BRD4: variants seen among roughly 807,000 people sequenced by gnomAD.
BRD4 encodes bromodomain containing 4, also known as bromodomain-containing protein 4.
In BRD4, 16 loss-of-function variants were observed where a neutral mutation model predicts 142.1. The ratio of observed to expected loss-of-function variants is 0.11; its 90% confidence interval spans 0.08 to 0.17. BRD4 has a LOEUF of 0.17. Ranked by LOEUF, BRD4 falls within the 10% of genes least tolerant of loss-of-function variation. The pLI, the probability that BRD4 is intolerant of heterozygous loss-of-function variation, is 1.00. For synonymous variants in BRD4, 833 were observed against 707.5 expected, an observed-to-expected ratio of 1.18 and a Z score of -2.82; for missense variants, 1,424 against 1,810.9, an observed-to-expected ratio of 0.79 and a Z score of 3.88.
chr19:15,252,791 C>G (rs902340045), intron 11 of BRD4, among the ~76,000 whole-genome samples: 1 of 152,178 alleles, frequency 6.6e-6, no homozygotes, highest in Admixed American at 6.5e-5. Flanking sequence ...CTTCAGCCCA[C>G]TTCAAGGCAA....
chr19:15,280,690 C>T (rs1213290256), intron 1 of BRD4, among the ~76,000 whole-genome samples: 1 of 152,144 alleles, frequency 6.6e-6, no homozygotes, highest in Admixed American at 6.5e-5. Flanking sequence ...CCAGCCAATG[C>T]CAACTGACTA....
chr19:15,264,614 G>T lies in BRD4; in HGVS notation c.1002C>A (p.Asp334Glu), dbSNP rs201586480. Residue 334 changes from aspartate (D) to glutamate (E), a missense_variant, in exon 6 of 20, where the codon GAC becomes GAA. By Grantham distance (45) the Asp-to-Glu change is conservative. Transcript: ENST00000679869. ...SSRPVKPPKK[D>E]VPDSQQHPAP... ...CTGGGTGCTGCTGAGAGTCGGGCACGTCCTTCTTTGGAGGTTTCACAGGCC... is the reference window on the plus strand; with the variant it reads ...CTGGGTGCTGCTGAGAGTCGGGCACTTCCTTCTTTGGAGGTTTCACAGGCC... 1 of 1,614,066 alleles carries T rather than the reference G, an allele frequency of 6.2e-7. No individual in the cohort carries two copies. The highest frequency in any genetic ancestry group is 1.7e-5 in the Admixed American group (1 of 60,020).
intron 1 of BRD4, among the ~76,000 whole-genome samples, chr19:15,328,145 C>T (rs893177993): frequency 1.3e-5 from 2 of 152,004 alleles, no homozygotes; most frequent in Non-Finnish European, 2.9e-5. Flanking sequence ...ATAAAGACTA[C>T]GCATATTAAA....
chr19:15,263,275 G>T (rs1205924332), intron 7 of BRD4, 145 bp downstream of exon 7: 2 of 1,058,292 alleles, frequency 1.9e-6, no homozygotes, highest in Non-Finnish European at 2.7e-6. Flanking sequence ...GCACTAGGCT[G>T]ACTTTAGGCA....
At chr19:15,332,217 T>A (rs1039704367) in intron 1 of BRD4, 73 bp downstream of exon 1, 1 of 144,978 alleles carries the variant, frequency 6.9e-6, no homozygotes, top group Non-Finnish European at 1.5e-5. Flanking sequence ...CAATGCAGGT[T>A]ACGCGGACCG....
At position 15,257,116 on chromosome 19, in the gene BRD4, C is replaced by A. The variant is rs760391060; in HGVS notation, c.1399G>T (p.Ala467Ser). 1.2e-6 allele frequency: 2 copies of A among 1,609,214 alleles called. No individual in the cohort carries two copies. The highest frequency in any genetic ancestry group is 1.7e-6 in the Non-Finnish European group (2 of 1,179,602). ...MPDEPEEPVV[A>S]VSSPAVPPPT... ...GGGGGCACTGCCGGGGAGGACACGG[C>A]CACCACTGGCTCCTCAGGCTCGTCC... Residue 467 changes from alanine to serine, a missense_variant, in exon 8 of 20, where the codon GCC becomes TCC. Ala to Ser is a moderately conservative substitution (Grantham distance 99). This residue lies in a region of BRD4 where 90 missense variants were observed against 93.2 expected (regional missense o/e 0.97). Transcript: ENST00000679869.
intron 1 of BRD4, among the ~76,000 whole-genome samples, chr19:15,330,924 C>T (rs2048151135): frequency 6.6e-6 from 1 of 152,100 alleles, no homozygotes; most frequent in African/African-American, 2.4e-5. Context: ...AAAAAACTCC[C>T]GACCATTGTT....
rs1234523257 is a variant in BRD4 at position 15,332,503 on chromosome 19, C to CCGA, written c.-249_-248insTCG. On this transcript the variant is annotated 5_prime_UTR_variant, in exon 1 of 20. Coordinates refer to ENST00000679869, the MANE Select transcript of BRD4 (RefSeq NM_001379291.1). Reference sequence around the variant, plus strand: ...CGGGAGACCAGAACAAACAGCCCAGCCGCCGCCGCCGCCGCCGCCGCCGCC... The same window carrying CCGA: ...CGGGAGACCAGAACAAACAGCCCAGCCGACGCCGCCGCCGCCGCCGCCGCCGCC... 6.7e-6 allele frequency: 1 copy of CCGA among 149,268 alleles called. No homozygotes were observed. Among genetic ancestry groups the CCGA allele is most frequent in the Non-Finnish European group, 1.3e-5 (1 of 74,560 alleles). The allele number at this position is 149,268 out of a possible 1,614,324, so 9.2% of individuals were successfully genotyped here. A position where few individuals can be genotyped will look rare whatever the true frequency, so the allele number is the denominator to read the frequency against.
chr19:15,253,655 G>C (rs1463664081), intron 11 of BRD4: 1 of 1,597,876 alleles, frequency 6.3e-7, no homozygotes, highest in South Asian at 1.1e-5. Flanking sequence ...TGGCGATGCG[G>C]CTGGCCAGCT....
At chr19:15,244,654 G>A in intron 12 of BRD4, 54 bp from the exon 13 acceptor site, 1 of 1,614,042 alleles carries the variant, frequency 6.2e-7, no homozygotes. Flanking sequence ...AGGCAGAACT[G>A]GCCCGGGCCA....
At chr19:15,327,044 CA>C (rs2048114162) in intron 1 of BRD4, among the ~76,000 whole-genome samples, 1 of 152,176 alleles carries the variant, frequency 6.6e-6, no homozygotes, top group Admixed American at 6.5e-5. Flanking sequence ...TACAACATGT[CA>C]ACATGCTGAT....
At chr19:15,287,433 T>G (rs11667345) in intron 1 of BRD4, among the ~76,000 whole-genome samples, 23,894 of 152,150 alleles carry the variant, frequency 0.16, 1,986 homozygotes, top group Middle Eastern at 0.2. Context: ...TCTTTAAAGA[T>G]GGGGTCTTGC....
intron 1 of BRD4, among the ~76,000 whole-genome samples, chr19:15,275,077 T>A (rs1380808868): frequency 6.6e-6 from 1 of 152,128 alleles, no homozygotes; most frequent in Non-Finnish European, 1.5e-5. Context: ...CAGGCTGGTC[T>A]CAAACTCCTG....
intron 1 of BRD4, among the ~76,000 whole-genome samples, chr19:15,296,111 G>T (rs1293559477): frequency 6.6e-6 from 1 of 151,750 alleles, no homozygotes; most frequent in African/African-American, 2.4e-5. Flanking sequence ...AAAATTAGCT[G>T]GGGGTGGTGG....
chr19:15,242,796 A>G (rs2047248669), intron 14 of BRD4, 104 bp downstream of exon 14: 3 of 1,511,744 alleles, frequency 2.0e-6, no homozygotes, highest in Non-Finnish European at 2.7e-6. Context: ...TCAGCTCTGA[A>G]CCCACTGCAG....
At chr19:15,295,644 G>C (rs2047816796) in intron 1 of BRD4, among the ~76,000 whole-genome samples, 1 of 151,904 alleles carries the variant, frequency 6.6e-6, no homozygotes, top group Non-Finnish European at 1.5e-5. Context: ...AAGGAAATGA[G>C]AGAGGCACAG....
At chr19:15,247,951 C>T (rs959915002) in intron 11 of BRD4, 1 of 223,790 alleles carries the variant, frequency 4.5e-6, no homozygotes, top group African/African-American at 2.2e-5. Flanking sequence ...CTGCTCAAGC[C>T]CAAGGAGCTG....
chr19:15,252,449 G>A (rs1429339097), intron 11 of BRD4, among the ~76,000 whole-genome samples: 3 of 152,246 alleles, frequency 2.0e-5, no homozygotes, highest in African/African-American at 7.2e-5. Flanking sequence ...CCCAGAGGAA[G>A]GCAAGCTGGA....
chr19:15,260,654 T>C (rs536703079), intron 7 of BRD4, among the ~76,000 whole-genome samples: 117 of 152,230 alleles, frequency 7.7e-4, no homozygotes, highest in Admixed American at 3.5e-3. Flanking sequence ...GATTGAGGCC[T>C]GTGTCCACTC....
Sources: gnomAD v4.1 joint callset for allele counts (sites outside exome capture counted in the v4.1 genomes callset) on GRCh38, gnomAD v4.1.1 for gene constraint, gnomAD v4.1.1 regional missense constraint, MANE v1.5 for transcripts, NCBI Gene and HGNC (gene_info 2026-07-23, HGNC 2026-07-21) for gene names.